The following CAMK1D variants were observed in gnomAD, a reference collection of about 807,000 sequenced individuals.
CAMK1D encodes the protein calcium/calmodulin-dependent protein kinase type 1D.
CAMK1D carries 9 observed loss-of-function variants against 47.7 expected under a neutral mutation model. The ratio of observed to expected loss-of-function variants is 0.19; its 90% CI spans 0.11 to 0.33. The LOEUF (loss-of-function observed/expected upper bound fraction) is 0.33. CAMK1D is among the 10% of genes least tolerant of loss of function. The probability of loss-of-function intolerance (pLI) is 1.00; values close to 1 mark genes in which losing one functional copy is unlikely to be tolerated. For missense variants in CAMK1D, 291 were observed against 488.7 expected, an observed-to-expected ratio of 0.60 and a Z score of 3.81; for synonymous variants, 184 against 184.9, an observed-to-expected ratio of 0.99 and a Z score of 0.04.
chr10:12,435,201 C>T (rs1293722365), intron 1 of CAMK1D, among the ~76,000 whole-genome samples: 1 of 114,540 alleles, frequency 8.7e-6, no homozygotes, highest in Non-Finnish European at 1.6e-5. Flanking sequence ...CCGGCATGGG[C>T]GAGGAGTGAA....
intron 3 of CAMK1D, among the ~76,000 whole-genome samples, chr10:12,716,674 G>A (rs2130771199): frequency 6.6e-6 from 1 of 152,090 alleles, no homozygotes; most frequent in Middle Eastern, 3.4e-3. Flanking sequence ...ATGTGAATTG[G>A]AACAATTCAA....
chr10:12,422,304 C>T (rs570776479), intron 1 of CAMK1D, among the ~76,000 whole-genome samples: 2 of 152,246 alleles, frequency 1.3e-5, no homozygotes, highest in East Asian at 1.9e-4. Context: ...GGATTTTAGT[C>T]GTGTGTAACA....
At chr10:12,733,279 C>T in intron 3 of CAMK1D, among the ~76,000 whole-genome samples, 1 of 152,082 alleles carries the variant, frequency 6.6e-6, no homozygotes, top group East Asian at 1.9e-4. Context: ...TGAGAGAGAC[C>T]AAGAAGACAT....
At chr10:12,756,802 C>G (rs943911578) in intron 3 of CAMK1D, among the ~76,000 whole-genome samples, 4 of 152,170 alleles carry the variant, frequency 2.6e-5, no homozygotes, top group African/African-American at 9.7e-5. Flanking sequence ...GTGGTGGCCA[C>G]CTGTAGTCCC....
At chr10:12,500,550 A>C (rs1218014336) in intron 1 of CAMK1D, among the ~76,000 whole-genome samples, 3 of 152,200 alleles carry the variant, frequency 2.0e-5, no homozygotes, top group Admixed American at 2.0e-4. Context: ...AGAGATTGAG[A>C]ATTCTACTGG....
At chr10:12,372,104 G>A (rs760652883) in intron 1 of CAMK1D, among the ~76,000 whole-genome samples, 5 of 152,182 alleles carry the variant, frequency 3.3e-5, no homozygotes, top group Non-Finnish European at 7.3e-5. Flanking sequence ...TGGCAGTCTA[G>A]GAGCAGTAGC....
At chr10:12,616,117 GGTGTGTATATGTAGGT>G (rs1400586828) in intron 2 of CAMK1D, among the ~76,000 whole-genome samples, 1 of 151,592 alleles carries the variant, frequency 6.6e-6, no homozygotes, top group African/African-American at 2.4e-5. Context: ...TGTGTATGTG[GGTGTGTATATGTAGGT>G]GTGTGTATAA....
At chr10:12,405,918 G>A (rs1839407898) in intron 1 of CAMK1D, among the ~76,000 whole-genome samples, 1 of 152,150 alleles carries the variant, frequency 6.6e-6, no homozygotes, top group South Asian at 2.1e-4. Flanking sequence ...CACTTAAATG[G>A]CGTTTTTATG....
At chr10:12,455,666 T>A (rs956129187) in intron 1 of CAMK1D, among the ~76,000 whole-genome samples, 1 of 152,230 alleles carries the variant, frequency 6.6e-6, no homozygotes, top group Non-Finnish European at 1.5e-5. Context: ...TGATGGACAT[T>A]TGGTTGTTTC....
At chr10:12,455,610 T>C (rs1833218697) in intron 1 of CAMK1D, among the ~76,000 whole-genome samples, 1 of 152,214 alleles carries the variant, frequency 6.6e-6, no homozygotes, top group African/African-American at 2.4e-5. Flanking sequence ...TTTTTCCCCA[T>C]TGCTCTGTAA....
intron 2 of CAMK1D, among the ~76,000 whole-genome samples, chr10:12,625,428 G>C (rs1483439567): frequency 6.7e-6 from 1 of 150,358 alleles, no homozygotes; most frequent in Non-Finnish European, 1.5e-5. Context: ...TTGAACTCTT[G>C]GGTTCAGGTG....
chr10:12,374,281 GAAAA>G (rs1838104627), intron 1 of CAMK1D, among the ~76,000 whole-genome samples: 1 of 125,562 alleles, frequency 8.0e-6, no homozygotes, highest in African/African-American at 2.9e-5. Context: ...AAAAAAAAAA[GAAAA>G]AAGAAAAAAA....
intron 2 of CAMK1D, among the ~76,000 whole-genome samples, chr10:12,565,112 G>C (rs1837080387): frequency 6.6e-6 from 1 of 152,210 alleles, no homozygotes; most frequent in Non-Finnish European, 1.5e-5. Flanking sequence ...TTGGGAGGCT[G>C]AGGCAGGAGG....
chr10:12,415,235 C>T (rs935079234), intron 1 of CAMK1D, among the ~76,000 whole-genome samples: 1 of 114,846 alleles, frequency 8.7e-6, no homozygotes, highest in South Asian at 2.9e-4. Context: ...AGGACATCTG[C>T]TAGCCATTTC....
At chr10:12,624,517 G>A (rs576657572) in intron 2 of CAMK1D, among the ~76,000 whole-genome samples, 68 of 152,212 alleles carry the variant, frequency 4.5e-4, no homozygotes, top group African/African-American at 1.5e-3. Context: ...TTTTGTGACC[G>A]GCCCATTTCA....
At chr10:12,827,203 C>T (rs1264211979) in intron 10 of CAMK1D, among the ~76,000 whole-genome samples, 2 of 149,140 alleles carry the variant, frequency 1.3e-5, no homozygotes, top group Non-Finnish European at 3.0e-5. Context: ...TCCCTCCCTG[C>T]CTCCCTCCTT....
intron 3 of CAMK1D, among the ~76,000 whole-genome samples, chr10:12,736,516 T>G (rs188627485): frequency 1.3e-5 from 2 of 152,264 alleles, no homozygotes; most frequent in African/African-American, 4.8e-5. Context: ...CCTTGAAAGT[T>G]TTCTGGCACT....
chr10:12,541,626 C>T (rs765788383), intron 1 of CAMK1D, among the ~76,000 whole-genome samples: 3 of 152,184 alleles, frequency 2.0e-5, no homozygotes, highest in Non-Finnish European at 4.4e-5. Context: ...CCCAAAAGTG[C>T]TGGGATTACA....
At chr10:12,382,641 A>AGACTC (rs1392556915) in intron 1 of CAMK1D, among the ~76,000 whole-genome samples, 1 of 152,148 alleles carries the variant, frequency 6.6e-6, no homozygotes, top group Admixed American at 6.6e-5. Context: ...TCTGGGCAGC[A>AGACTC]TGGTAAAATC....
Sources: allele counts gnomAD v4.1 joint callset (sites outside exome capture counted in the v4.1 genomes callset), GRCh38; gene constraint gnomAD v4.1.1; transcripts MANE v1.5; gene names NCBI Gene and HGNC (gene_info 2026-07-23, HGNC 2026-07-21).